Variants in ARHGEF7 observed in about 807,000 individuals in gnomAD.
The protein encoded by ARHGEF7 is Rho guanine nucleotide exchange factor 7.
Under a neutral mutation model 109.8 loss-of-function variants are expected in ARHGEF7, and 33 were observed. The observed-to-expected ratio is 0.30, with a 90% CI of 0.23 to 0.40. The LOEUF (loss-of-function observed/expected upper bound fraction) is 0.40, where lower values mean the gene tolerates loss of function less well. ARHGEF7 is among the 10% of genes least tolerant of loss of function. The probability of loss-of-function intolerance (pLI) is 1.00; values close to 1 mark genes in which losing one functional copy is unlikely to be tolerated. For missense variants in ARHGEF7, 938 were observed against 1,098.5 expected (o/e 0.85, Z 2.07); for synonymous variants, 458 against 424.6 (o/e 1.08, Z -0.97).
intron 12 of ARHGEF7, 182 bp downstream of exon 12, chr13:111,275,860 A>T: frequency 1.4e-6 from 1 of 725,646 alleles, no homozygotes. Flanking sequence ...AGAGGCTTAG[A>T]GCTGAGTGTG....
At chr13:111,175,566 G>T (rs928266079) in intron 2 of ARHGEF7, among the ~76,000 whole-genome samples, 1 of 152,186 alleles carries the variant, frequency 6.6e-6, no homozygotes, top group African/African-American at 2.4e-5. Context: ...GTGAGCTTTT[G>T]GGGGAAGGAC....
chr13:111,174,247 C>T lies in ARHGEF7; in HGVS notation c.252+20256C>T, dbSNP rs948046633. 3.3e-5 allele frequency among the ~76,000 whole-genome samples: 5 copies of T among 152,230 alleles called. No homozygotes were observed. In the East Asian group the frequency reaches 7.7e-4, roughly 23 times the overall value. ...ATTAAAATTGGTTACTCTTATTTCT[C>T]AGAGCTTATACTCTAAGATCATTTA... On this transcript the variant is annotated intron_variant, in intron 2 of 21. Coordinates refer to ENST00000646102, the MANE Select transcript of ARHGEF7 (RefSeq NM_001354046.2).
chr13:111,183,353 T>A (rs80031292), intron 2 of ARHGEF7, among the ~76,000 whole-genome samples: 16,021 of 152,158 alleles, frequency 0.11, 1,173 homozygotes, highest in Middle Eastern at 0.16. Flanking sequence ...CTTTTTTTTT[T>A]TTAAACAAAA....
At chr13:111,186,584 A>G (rs2079277912) in intron 2 of ARHGEF7, among the ~76,000 whole-genome samples, 1 of 152,232 alleles carries the variant, frequency 6.6e-6, no homozygotes, top group African/African-American at 2.4e-5. Flanking sequence ...TTAAACTTAA[A>G]TAGCACCACT....
chr13:111,302,679 T>A (rs570760801), intron 21 of ARHGEF7, among the ~76,000 whole-genome samples: 1 of 152,346 alleles, frequency 6.6e-6, no homozygotes, highest in South Asian at 2.1e-4. Flanking sequence ...ACAAAAAGGC[T>A]GGATAGGAGC....
intron 2 of ARHGEF7, among the ~76,000 whole-genome samples, chr13:111,196,041 T>C (rs906702481): frequency 6.6e-6 from 1 of 152,196 alleles, no homozygotes; most frequent in Admixed American, 6.5e-5. Context: ...AATAAACTTA[T>C]CTTTTAGGAT....
intron 1 of ARHGEF7, among the ~76,000 whole-genome samples, chr13:111,149,132 G>A (rs909159563): frequency 6.6e-6 from 1 of 151,866 alleles, no homozygotes; most frequent in African/African-American, 2.4e-5. Context: ...ATTTCTGTCC[G>A]GGTGCGATGG....
intron 1 of ARHGEF7, among the ~76,000 whole-genome samples, chr13:111,116,728 A>G (rs1300024655): frequency 6.6e-6 from 1 of 152,240 alleles, no homozygotes; most frequent in African/African-American, 2.4e-5. Context: ...TGTAAATAAA[A>G]TGCCACGTAA....
At chr13:111,241,110 G>A (rs572955053) in intron 6 of ARHGEF7, 2 of 1,501,778 alleles carry the variant, frequency 1.3e-6, no homozygotes, top group African/African-American at 1.4e-5. Flanking sequence ...GACTGCACTT[G>A]CCTCTCCATG....
intron 8 of ARHGEF7, among the ~76,000 whole-genome samples, chr13:111,260,485 A>C (rs1275534332): frequency 2.6e-5 from 4 of 152,342 alleles, no homozygotes; most frequent in African/African-American, 9.6e-5. Flanking sequence ...GAAAGCAAAA[A>C]CCTTTTATCC....
chr13:111,198,205 T>C (rs1190543340), intron 2 of ARHGEF7, among the ~76,000 whole-genome samples: 3 of 152,128 alleles, frequency 2.0e-5, no homozygotes, highest in Non-Finnish European at 4.4e-5. Context: ...GCTAGTTGCT[T>C]TTAACTGGCC....
At chr13:111,205,730 G>C (rs1423524727) in intron 3 of ARHGEF7, among the ~76,000 whole-genome samples, 2 of 152,092 alleles carry the variant, frequency 1.3e-5, no homozygotes, top group African/African-American at 4.8e-5. Flanking sequence ...GTTAAAATTT[G>C]TATCTAGTGG....
At position 111,131,527 on chromosome 13, in the gene ARHGEF7, G is replaced by T. The variant is rs1386136684; in HGVS notation, c.165+15836G>T. On this transcript the variant is annotated intron_variant, in intron 1 of 21. Transcript: ENST00000646102. This position sits in a 1 kb window ranked among gnomAD's most constrained non-coding sequence, Gnocchi z 4.4. ...GATATGTACTGAAGCTGAAGGACTTGTGAGGTTTCTTACAGGGCAGTTAAA... is the reference window on the plus strand; with the variant it reads ...GATATGTACTGAAGCTGAAGGACTTTTGAGGTTTCTTACAGGGCAGTTAAA... Among the ~76,000 whole-genome samples, 2 of 152,198 alleles carry T rather than the reference G, an allele frequency of 1.3e-5. No individual in the cohort carries two copies. The highest frequency in any genetic ancestry group is 1.5e-5 in the Non-Finnish European group (1 of 68,034).
chr13:111,275,017 A>G (rs2153598555), intron 11 of ARHGEF7, among the ~76,000 whole-genome samples: 1 of 152,360 alleles, frequency 6.6e-6, no homozygotes, highest in Non-Finnish European at 1.5e-5. Context: ...ATCTACTTTA[A>G]AATTGTTTAA....
chr13:111,287,900 G>A (rs2093093824), intron 17 of ARHGEF7, among the ~76,000 whole-genome samples: 3 of 152,270 alleles, frequency 2.0e-5, no homozygotes, highest in Admixed American at 6.5e-5. Flanking sequence ...GGATGGCCAC[G>A]TCGACACTGA....
chr13:111,132,040 G>C (rs1227978991), intron 1 of ARHGEF7, among the ~76,000 whole-genome samples: 1 of 152,196 alleles, frequency 6.6e-6, no homozygotes, highest in Non-Finnish European at 1.5e-5. Flanking sequence ...GGAACTGAGC[G>C]GGAGATTAGG....
chr13:111,259,703 C>T (rs536661550), intron 8 of ARHGEF7, among the ~76,000 whole-genome samples: 3 of 152,306 alleles, frequency 2.0e-5, no homozygotes, highest in South Asian at 2.1e-4. Flanking sequence ...AGCTCTTCAA[C>T]GCCCAGTGCC....
chr13:111,165,452 A>T (rs2077052372), intron 2 of ARHGEF7, among the ~76,000 whole-genome samples: 1 of 152,222 alleles, frequency 6.6e-6, no homozygotes, highest in Non-Finnish European at 1.5e-5. Flanking sequence ...TAACACGTGC[A>T]GTAAAGCAGT....
intron 2 of ARHGEF7, among the ~76,000 whole-genome samples, chr13:111,184,350 A>G (rs1555357356): frequency 1.3e-5 from 2 of 152,120 alleles, no homozygotes; most frequent in Non-Finnish European, 2.9e-5. Context: ...ACAGATGGTT[A>G]TTGTTGAAGT....
Sources: allele counts gnomAD v4.1 joint callset (sites outside exome capture counted in the v4.1 genomes callset), GRCh38; gene constraint gnomAD v4.1.1; non-coding constraint Gnocchi (gnomAD v3.1); transcripts MANE v1.5; gene names NCBI Gene and HGNC (gene_info 2026-07-23, HGNC 2026-07-21).